The following PARD3B variants were observed in gnomAD, a reference collection of about 807,000 sequenced individuals.
PARD3B encodes the protein par-3 family cell polarity regulator beta.
In PARD3B, 103 loss-of-function variants were observed where a neutral mutation model predicts 130.2. The observed-to-expected ratio is 0.79, with a 90% CI of 0.67 to 0.93. The LOEUF is 0.93. Among genes scored for constraint, PARD3B ranks in the 40% least tolerant of loss-of-function variants. The probability of loss-of-function intolerance (pLI) is 0.00; values close to 1 mark genes in which losing one functional copy is unlikely to be tolerated. For synonymous variants in PARD3B, 583 were observed against 553.2 expected (o/e 1.05, Z -0.76); for missense variants, 1,609 against 1,499.2 (o/e 1.07, Z -1.21).
intron 4 of PARD3B, among the ~76,000 whole-genome samples, chr2:205,089,010 C>T (rs1701924014): frequency 6.6e-6 from 1 of 151,944 alleles, no homozygotes; most frequent in African/African-American, 2.4e-5. Context: ...ACCCTGTTGG[C>T]CAGGATGGTG....
chr2:205,420,281 T>G (rs2046923309), intron 19 of PARD3B, among the ~76,000 whole-genome samples: 1 of 152,214 alleles, frequency 6.6e-6, no homozygotes, highest in Non-Finnish European at 1.5e-5. Flanking sequence ...ACTGTTACTG[T>G]TATTCCTAAC....
At position 204,981,008 on chromosome 2, in the gene PARD3B, C is replaced by G. The variant is rs149277439; in HGVS notation, c.394+15685C>G. Among the ~76,000 whole-genome samples the G allele has an allele frequency of 2.5e-3, 386 of 152,274 alleles. 3 individuals are homozygous for G. Among genetic ancestry groups the G allele is most frequent in the African/African-American group, 8.9e-3 (370 of 41,560 alleles). ...TAGGGGAAACTCGATTCTTTTTATA[C>G]TATCTTTGCAAGTTATAAATTAATT... On this transcript the variant is annotated intron_variant, in intron 3 of 22. Coordinates refer to ENST00000406610, the MANE Select transcript of PARD3B (RefSeq NM_001302769.2).
intron 15 of PARD3B, among the ~76,000 whole-genome samples, chr2:205,232,395 A>G (rs1238601405): frequency 1.3e-5 from 2 of 152,168 alleles, no homozygotes; most frequent in Non-Finnish European, 2.9e-5. Context: ...TGATTGTGCC[A>G]CTGTACTCCA....
At chr2:205,037,326 TTTGTATAAAATATATATAGTGGACTA>T (rs763170897) in intron 3 of PARD3B, among the ~76,000 whole-genome samples, 32,590 of 145,576 alleles carry the variant, frequency 0.22, 5,172 homozygotes, top group South Asian at 0.41. Context: ...TAGTGGACTA[TTTGTATAAAATATATATAGTGGACTA>T]TTTGTATAAA....
Position 205,119,009 on chromosome 2 carries a change from A to T in PARD3B, c.769A>T (p.Ile257Phe). 6.2e-7 allele frequency: 1 copy of T among 1,610,852 alleles called. No individual in the cohort carries two copies. Among genetic ancestry groups the T allele is most frequent in the Non-Finnish European group, 8.5e-7 (1 of 1,178,824 alleles). The change falls in exon 7 of 23, where the codon ATC becomes TTC. Residue 257 changes from isoleucine to phenylalanine, a missense_variant. Transcript: ENST00000406610. Reference protein sequence around the residue: ...LFHENECIVKINNVDLVDKTF... With the variant: ...LFHENECIVKFNNVDLVDKTF... ...TCACGAAAATGAATGTATTGTAAAA[A>T]TCAACAATGTGGATCTCGTAGACAA...
chr2:205,214,416 T>C (rs1042247616), intron 15 of PARD3B, among the ~76,000 whole-genome samples: 38 of 151,746 alleles, frequency 2.5e-4, no homozygotes, highest in African/African-American at 7.7e-4. Context: ...TTGTGTAAGC[T>C]GAATATTTAG....
chr2:204,917,164 AAAGCCTGGGAGCT>A (rs1360346054), intron 2 of PARD3B, among the ~76,000 whole-genome samples: 1 of 152,218 alleles, frequency 6.6e-6, no homozygotes, highest in Non-Finnish European at 1.5e-5. Context: ...GACCATAGTC[AAAGCCTGGGAGCT>A]AATGAGGAGT....
chr2:204,636,312 C>T (rs1183449060), intron 1 of PARD3B, among the ~76,000 whole-genome samples: 1 of 152,088 alleles, frequency 6.6e-6, no homozygotes, highest in Non-Finnish European at 1.5e-5. Flanking sequence ...GCGCTGTCTT[C>T]ATAACCTGGA....
intron 21 of PARD3B, among the ~76,000 whole-genome samples, chr2:205,514,784 T>C (rs1040642896): frequency 1.8e-4 from 27 of 151,840 alleles, no homozygotes; most frequent in African/African-American, 6.3e-4. Context: ...TTACTTCTTT[T>C]ATTTTATATT....
intron 2 of PARD3B, among the ~76,000 whole-genome samples, chr2:204,745,167 G>A (rs2040163358): frequency 1.3e-5 from 2 of 152,220 alleles, no homozygotes; most frequent in South Asian, 2.1e-4. Context: ...GATGTTGGAG[G>A]AAATCCTGTT....
intron 18 of PARD3B, among the ~76,000 whole-genome samples, chr2:205,332,053 C>T (rs1014413843): frequency 4.6e-5 from 7 of 151,814 alleles, no homozygotes; most frequent in Non-Finnish European, 7.4e-5. Context: ...TACAGTGAGC[C>T]GAAATCGTGC....
At chr2:204,846,287 C>T (rs559847535) in intron 2 of PARD3B, among the ~76,000 whole-genome samples, 2 of 151,896 alleles carry the variant, frequency 1.3e-5, no homozygotes, top group Non-Finnish European at 2.9e-5. Context: ...CTTCATATTA[C>T]CAATGGTGGG....
chr2:205,090,409 T>G (rs1702033664), intron 4 of PARD3B, among the ~76,000 whole-genome samples: 1 of 152,214 alleles, frequency 6.6e-6, no homozygotes, highest in Non-Finnish European at 1.5e-5. Flanking sequence ...AACCATTCCT[T>G]GTTATTATTC....
chr2:204,706,176 G>A (rs751993872), intron 2 of PARD3B, among the ~76,000 whole-genome samples: 57 of 152,118 alleles, frequency 3.7e-4, no homozygotes, highest in Non-Finnish European at 6.2e-4. Flanking sequence ...GACCATGCTG[G>A]CTAACACAGT....
At chr2:205,384,538 A>G (rs1359685801) in intron 18 of PARD3B, among the ~76,000 whole-genome samples, 2 of 152,096 alleles carry the variant, frequency 1.3e-5, no homozygotes, top group African/African-American at 2.4e-5. Context: ...CTAAAAGTCC[A>G]CCTAAAATAA....
Position 205,185,807 on chromosome 2 carries a change from AC to A in PARD3B, c.1970del (p.Pro657LeufsTer38), listed in dbSNP as rs765327578. On this transcript the variant is annotated frameshift_variant, in exon 14 of 23. Coordinates refer to ENST00000406610, the MANE Select transcript of PARD3B (RefSeq NM_001302769.2). LOFTEE classifies it high-confidence loss of function. The part of the protein sequence containing the change: ...NDGWAESEVP[P>X]SPTPHSALGL... ...ACGGATGGGCCGAGAGTGAAGTTCCACCTTCTCCAACACCACATTCTGCTCT... is the reference window on the plus strand; with the variant it reads ...ACGGATGGGCCGAGAGTGAAGTTCCACTTCTCCAACACCACATTCTGCTCT... 6.2e-7 allele frequency: 1 copy of A among 1,614,110 alleles called. No homozygotes were observed. The highest frequency in any genetic ancestry group is 8.5e-7 in the Non-Finnish European group (1 of 1,180,004).
At position 205,592,913 on chromosome 2, in the gene PARD3B, C is replaced by T. The variant is rs2054438834; in HGVS notation, c.3261-22543C>T. Among the ~76,000 whole-genome samples the T allele has an allele frequency of 6.6e-6, 1 of 152,274 alleles. No homozygotes were observed. Among genetic ancestry groups the T allele is most frequent in the Non-Finnish European group, 1.5e-5 (1 of 68,048 alleles). On this transcript the variant is annotated intron_variant, in intron 22 of 22. Transcript: ENST00000406610. This position sits in a 1 kb window ranked among gnomAD's most constrained non-coding sequence, Gnocchi z 4.5. ...CAGCAGATGCCCCATGGCACTGACT[C>T]AGCCTTGAGCAGAAGCACTGTGTTT...
At chr2:205,488,497 C>T (rs1474524854) in intron 20 of PARD3B, among the ~76,000 whole-genome samples, 1 of 152,080 alleles carries the variant, frequency 6.6e-6, no homozygotes, top group Non-Finnish European at 1.5e-5. Context: ...GGGTTGGTGA[C>T]CTCTGCTTTA....
intron 21 of PARD3B, among the ~76,000 whole-genome samples, chr2:205,528,524 G>C (rs577595676): frequency 6.7e-6 from 1 of 149,064 alleles, no homozygotes. Context: ...ACAGAGTCTT[G>C]CTCTGTTGCC....
Sources: gnomAD v4.1 joint callset for allele counts (sites outside exome capture counted in the v4.1 genomes callset) on GRCh38, gnomAD v4.1.1 for gene constraint, Gnocchi (gnomAD v3.1) non-coding constraint, MANE v1.5 for transcripts, NCBI Gene and HGNC (gene_info 2026-07-23, HGNC 2026-07-21) for gene names.